The following RET variants were observed in gnomAD, a reference collection of about 807,000 sequenced individuals.
RET encodes the protein ret proto-oncogene.
Under a neutral mutation model 118.3 loss-of-function variants are expected in RET, and 19 were observed. That is an observed-to-expected ratio of 0.16 (90% CI 0.11 to 0.24). The LOEUF (loss-of-function observed/expected upper bound fraction) is 0.24, where lower values mean the gene tolerates loss of function less well. Among genes scored for constraint, RET ranks in the 10% least tolerant of loss-of-function variants. The pLI is 1.00. For synonymous variants in RET, 597 were observed against 644.1 expected, an observed-to-expected ratio of 0.93 and a Z score of 1.11; for missense variants, 1,219 against 1,502.1, an observed-to-expected ratio of 0.81 and a Z score of 3.12.
At position 43,106,041 on chromosome 10, in the gene RET, GGA is replaced by G. The variant is rs1837765630; in HGVS notation, c.868-331_868-330del. Among the ~76,000 whole-genome samples the G allele has an allele frequency of 6.6e-6, 1 of 152,154 alleles. No homozygotes were observed. On this transcript the variant is annotated intron_variant, in intron 4 of 19. Transcript: ENST00000355710. This position sits in a 1 kb window ranked among gnomAD's most constrained non-coding sequence, Gnocchi z 5.1. The stretch of plus-strand genomic sequence containing the variant: ...CCCTGTGGGGCCCAGCTTCCTCAGG[GGA>G]GAGTGGAGGTGCTCATCCTGCTCTC...
chr10:43,111,982 GTCCCCTTGGGCTCCA>G, intron 7 of RET, 102 bp from the exon 8 acceptor site: 3 of 1,429,138 alleles, frequency 2.1e-6, no homozygotes, highest in Non-Finnish European at 2.9e-6. Flanking sequence ...TGTCACTCCG[GTCCCCTTGGGCTCCA>G]TCCGTGGGCA....
intron 18 of RET, among the ~76,000 whole-genome samples, chr10:43,126,333 C>G (rs1302163047): frequency 6.6e-6 from 1 of 152,170 alleles, no homozygotes; most frequent in African/African-American, 2.4e-5. Context: ...AGGTGACTTT[C>G]CAGGGGAAGA....
At chr10:43,125,321 A>C (rs961015315) in intron 18 of RET, among the ~76,000 whole-genome samples, 1 of 152,222 alleles carries the variant, frequency 6.6e-6, no homozygotes, top group South Asian at 2.1e-4. Flanking sequence ...CAAGTGCCCA[A>C]AATTCAGATG....
At chr10:43,081,632 G>C (rs1212244630) in intron 1 of RET, among the ~76,000 whole-genome samples, 3 of 152,178 alleles carry the variant, frequency 2.0e-5, no homozygotes, top group Admixed American at 2.0e-4. Context: ...CATGGGGTAG[G>C]GGAGCACCCC....
At chr10:43,097,875 C>T (rs956463626) in intron 1 of RET, among the ~76,000 whole-genome samples, 3 of 151,930 alleles carry the variant, frequency 2.0e-5, no homozygotes, top group African/African-American at 7.3e-5. Context: ...GACCCCTCAG[C>T]GACCTCAAGC....
In RET at chr10:43,110,157, C is replaced by T. The variant is rs11238439; in HGVS notation, c.1263+927C>T. Among the ~76,000 whole-genome samples the T allele has an allele frequency of 2.6e-3, 388 of 151,032 alleles. 2 individuals are homozygous for T. The highest frequency in any genetic ancestry group is 8.9e-3 in the African/African-American group (367 of 41,186). Reference sequence around the variant, plus strand: ...AGAGGGGCGACAAGACAGAGGGCCCCGGGGGGTCTCATGGGGGGCGGGGCA... The same window carrying T: ...AGAGGGGCGACAAGACAGAGGGCCCTGGGGGGTCTCATGGGGGGCGGGGCA... On this transcript the variant is annotated intron_variant, in intron 6 of 19. Coordinates refer to ENST00000355710, the MANE Select transcript of RET (RefSeq NM_020975.6).
At chr10:43,122,904 C>G (rs537505800) in intron 16 of RET, among the ~76,000 whole-genome samples, 21 of 152,330 alleles carry the variant, frequency 1.4e-4, no homozygotes, top group African/African-American at 5.1e-4. Flanking sequence ...GCCACCACGC[C>G]TGGCCAACAT....
Position 43,100,730 on chromosome 10 carries a change from A to C in RET, c.337+8A>C, listed in dbSNP as rs1159289746. The C allele has an allele frequency of 3.8e-6, 6 of 1,587,134 alleles. No individual in the cohort carries two copies. Among genetic ancestry groups the C allele is most frequent in the Non-Finnish European group, 5.1e-6 (6 of 1,167,598 alleles). ...AGAAGCTCAGTGTCCGCAGTAAGGG[A>C]GCCGCCCCAACACCCACCCCGTGCC... On this transcript the variant is annotated splice_region_variant and intron_variant, in intron 2 of 19. Coordinates refer to ENST00000355710, the MANE Select transcript of RET (RefSeq NM_020975.6).
At position 43,129,940 on chromosome 10, in the gene RET, TACTA is replaced by T; in HGVS notation, c.*1673_*1676del. 2 of 399,044 alleles carry T rather than the reference TACTA, an allele frequency of 5.0e-6. No homozygotes were observed. Among genetic ancestry groups the T allele is most frequent in the Non-Finnish European group, 8.8e-6 (2 of 226,066 alleles). The allele number at this position is 399,044 out of a possible 1,614,324, so 24.7% of individuals were successfully genotyped here. On this transcript the variant is annotated 3_prime_UTR_variant, in exon 20 of 20. Coordinates refer to ENST00000355710, the MANE Select transcript of RET (RefSeq NM_020975.6). ...TTTCAGATATGCTTAATGATAGTCT[TACTA>T]AATGCAGAAATAAGAATAAACTTTC...
chr10:43,116,514 G>C (rs3026764), intron 11 of RET, 70 bp from the exon 12 acceptor site: 11 of 1,583,504 alleles, frequency 6.9e-6, no homozygotes, highest in Non-Finnish European at 9.5e-6. Context: ...TAAGGGTCTT[G>C]CCTTCTTCCT....
In RET at chr10:43,114,036, C is replaced by T. The variant is rs1171879881; in HGVS notation, c.1879+361C>T. On this transcript the variant is annotated intron_variant, in intron 10 of 19. Coordinates refer to ENST00000355710, the MANE Select transcript of RET (RefSeq NM_020975.6). The surrounding 1 kb of genome is among the most constrained non-coding windows in gnomAD (Gnocchi z 4.6). ...GCCACACTGACTACACTCAGGGGTG[C>T]TGTTCTGCCTGAGCATAGGGACACG... Among the ~76,000 whole-genome samples the T allele has an allele frequency of 2.6e-5, 4 of 152,214 alleles. No individual in the cohort carries two copies. Among genetic ancestry groups the T allele is most frequent in the African/African-American group, 9.6e-5 (4 of 41,456 alleles).
chr10:43,085,889 A>G (rs1837278850), intron 1 of RET, among the ~76,000 whole-genome samples: 1 of 152,178 alleles, frequency 6.6e-6, no homozygotes, highest in African/African-American at 2.4e-5. Flanking sequence ...CTGGGGCATC[A>G]GGATTGTCAG....
chr10:43,095,684 T>C (rs974331398), intron 1 of RET, among the ~76,000 whole-genome samples: 3 of 151,926 alleles, frequency 2.0e-5, no homozygotes, highest in African/African-American at 7.3e-5. Context: ...GCAGATGGGG[T>C]CTTAGGTGGG....
intron 5 of RET, among the ~76,000 whole-genome samples, chr10:43,107,719 C>T (rs1174697767): frequency 2.0e-5 from 3 of 152,056 alleles, no homozygotes; most frequent in African/African-American, 7.3e-5. Context: ...GTAAGTGGTC[C>T]CCAGGTCCAA....
intron 19 of RET, 163 bp downstream of exon 19, chr10:43,126,885 T>G (rs922769854): frequency 1.5e-5 from 21 of 1,447,120 alleles, no homozygotes; most frequent in Non-Finnish European, 1.9e-5. Flanking sequence ...CAGTTTACAT[T>G]TAGGCATTAT....
chr10:43,092,005 A>G (rs1320881528), intron 1 of RET, among the ~76,000 whole-genome samples: 2 of 152,210 alleles, frequency 1.3e-5, no homozygotes, highest in Non-Finnish European at 2.9e-5. Flanking sequence ...CAGGAAAGGA[A>G]GCAGGAAGCA....
At position 43,116,708 on chromosome 10, in the gene RET, C is replaced by T. The variant is rs181856591; in HGVS notation, c.2261C>T (p.Thr754Met). 4.5e-5 allele frequency: 72 copies of T among 1,613,868 alleles called. No homozygotes were observed. Among genetic ancestry groups the T allele is most frequent in the African/African-American group, 3.3e-4 (25 of 74,976 alleles). ...CTGAAAGGCAGAGCAGGGTACACCA[C>T]GGTGGCCGTGAAGATGCTGAAAGGT... Reference protein sequence around the residue: ...FHLKGRAGYTTVAVKMLKENA... With the variant: ...FHLKGRAGYTMVAVKMLKENA... The change falls in exon 12 of 20, where the codon ACG (threonine) becomes ATG (methionine). Residue 754 changes from threonine (T) to methionine (M), a missense_variant. Physicochemically the swap from Thr to Met is moderately conservative, Grantham distance 81. Coordinates refer to ENST00000355710, the MANE Select transcript of RET (RefSeq NM_020975.6).
At chr10:43,120,239 G>A (rs746531579) in intron 15 of RET, 36 bp downstream of exon 15, 9 of 1,610,000 alleles carry the variant, frequency 5.6e-6, no homozygotes, top group African/African-American at 2.7e-5. Flanking sequence ...GGCTCCCAGG[G>A]ATCCCAGGTG....
Position 43,124,999 on chromosome 10 carries a change from A to G in RET, c.3039+17A>G. On this transcript the variant is annotated intron_variant, in intron 18 of 19. Transcript: ENST00000355710. ...AAGAGGAGAGTGAGTGCCTGGGTCC[A>G]ATTCCCACAAGCTGAAAGTGGCTTG... 6.2e-7 allele frequency: 1 copy of G among 1,612,566 alleles called. No individual in the cohort carries two copies. The highest frequency in any genetic ancestry group is 8.5e-7 in the Non-Finnish European group (1 of 1,178,600).
Sources: allele counts gnomAD v4.1 joint callset (sites outside exome capture counted in the v4.1 genomes callset), GRCh38; gene constraint gnomAD v4.1.1; non-coding constraint Gnocchi (gnomAD v3.1); transcripts MANE v1.5; gene names NCBI Gene and HGNC (gene_info 2026-07-23, HGNC 2026-07-21).